The following SAMD12 variants were observed in gnomAD, a reference collection of about 807,000 sequenced individuals.
SAMD12 encodes the protein sterile alpha motif domain containing 12, also known as sterile alpha motif domain-containing protein 12.
A neutral mutation model predicts 15.0 loss-of-function variants in SAMD12; 9 were observed. That is an observed-to-expected ratio of 0.60 (90% CI 0.36 to 1.05). The LOEUF (loss-of-function observed/expected upper bound fraction) is 1.05. SAMD12 is among the 50% of genes least tolerant of loss of function. The probability of loss-of-function intolerance (pLI) is 0.01; values close to 1 mark genes in which losing one functional copy is unlikely to be tolerated. For missense variants in SAMD12, 230 were observed against 234.2 expected, an observed-to-expected ratio of 0.98 and a Z score of 0.12; for synonymous variants, 86 against 90.1, an observed-to-expected ratio of 0.96 and a Z score of 0.25.
intron 2 of SAMD12, among the ~76,000 whole-genome samples, chr8:118,510,196 T>C (rs561438198): frequency 2.6e-5 from 4 of 151,970 alleles, no homozygotes; most frequent in African/African-American, 9.7e-5. Context: ...CTGAGAAGCT[T>C]GGTGATCAAC....
chr8:118,535,527 C>T (rs1331333991), intron 2 of SAMD12, among the ~76,000 whole-genome samples: 4 of 152,234 alleles, frequency 2.6e-5, no homozygotes, highest in African/African-American at 7.2e-5. Context: ...TTTTGTTCAG[C>T]TATGCCCTGC....
chr8:118,168,763 G>C, the SAMD12 span, among the ~76,000 whole-genome samples: 1 of 152,042 alleles, frequency 6.6e-6, no homozygotes, highest in Non-Finnish European at 1.5e-5. Flanking sequence ...CTGACCGGTA[G>C]GATTTTCTTT....
chr8:118,289,752 G>A (rs572243160), intron 4 of SAMD12, among the ~76,000 whole-genome samples: 3 of 152,118 alleles, frequency 2.0e-5, no homozygotes, highest in Non-Finnish European at 2.9e-5. Flanking sequence ...TCTCCCTAAA[G>A]TTCTGAAAGG....
intron 4 of SAMD12, among the ~76,000 whole-genome samples, chr8:118,306,007 G>T (rs183404554): frequency 1.3e-5 from 2 of 152,226 alleles, no homozygotes; most frequent in African/African-American, 2.4e-5. Flanking sequence ...TCCAAGTTCT[G>T]CCAGGCAGCC....
At chr8:118,174,753 AT>A in the SAMD12 span, among the ~76,000 whole-genome samples, 1,644 of 152,320 alleles carry the variant, frequency 0.011, 28 homozygotes, top group African/African-American at 0.037. Flanking sequence ...ACAGAAAAAA[AT>A]AATATGCAAT....
intron 2 of SAMD12, among the ~76,000 whole-genome samples, chr8:118,453,465 C>A (rs1346907033): frequency 2.6e-5 from 4 of 151,154 alleles, no homozygotes; most frequent in Non-Finnish European, 5.9e-5. Context: ...TAAATTCATG[C>A]CACAGTTTAA....
chr8:118,160,419 T>A, the SAMD12 span, among the ~76,000 whole-genome samples: 3 of 152,220 alleles, frequency 2.0e-5, no homozygotes, highest in African/African-American at 7.2e-5. Flanking sequence ...AAACAAAATT[T>A]ATACTATCTG....
At chr8:118,406,890 TTGTGTGTGTGTG>T (rs3052708) in intron 3 of SAMD12, among the ~76,000 whole-genome samples, 31 of 147,456 alleles carry the variant, frequency 2.1e-4, no homozygotes, top group Non-Finnish European at 3.1e-4. Flanking sequence ...CAATATTCCA[TTGTGTGTGTGTG>T]TGTGTGTGTG....
intron 2 of SAMD12, among the ~76,000 whole-genome samples, chr8:118,441,618 T>C (rs1003915791): frequency 1.3e-5 from 2 of 152,202 alleles, no homozygotes; most frequent in African/African-American, 4.8e-5. Flanking sequence ...GTCCATATAT[T>C]CATATATGTA....
At chr8:118,170,464 T>C in the SAMD12 span, among the ~76,000 whole-genome samples, 1 of 152,188 alleles carries the variant, frequency 6.6e-6, no homozygotes, top group Admixed American at 6.5e-5. Context: ...AACAGATCAA[T>C]TTTATTTATT....
intron 4 of SAMD12, among the ~76,000 whole-genome samples, chr8:118,255,816 A>T (rs530506517): frequency 2.0e-5 from 3 of 152,152 alleles, no homozygotes; most frequent in Admixed American, 6.5e-5. Flanking sequence ...AATAAACATA[A>T]GTATGCATGT....
chr8:118,258,416 T>C (rs918558536), intron 4 of SAMD12, among the ~76,000 whole-genome samples: 1 of 152,056 alleles, frequency 6.6e-6, no homozygotes, highest in Non-Finnish European at 1.5e-5. Context: ...AGTTAGACTA[T>C]ATTTCTGTCA....
At chr8:118,327,283 G>A (rs1223576857) in intron 4 of SAMD12, among the ~76,000 whole-genome samples, 1 of 152,160 alleles carries the variant, frequency 6.6e-6, no homozygotes, top group African/African-American at 2.4e-5. Flanking sequence ...TGAAAATCCA[G>A]AATGTGTTCT....
At chr8:118,411,735 T>G (rs991460960) in intron 3 of SAMD12, among the ~76,000 whole-genome samples, 1 of 152,138 alleles carries the variant, frequency 6.6e-6, no homozygotes, top group South Asian at 2.1e-4. Flanking sequence ...CAGCTTGGAC[T>G]AAAAGGGTTA....
chr8:118,377,400 A>G (rs1037521107), downstream of SAMD12, among the ~76,000 whole-genome samples: 8 of 152,182 alleles, frequency 5.3e-5, no homozygotes, highest in African/African-American at 7.2e-5. Context: ...TCTGTCTTGA[A>G]AAAACCAAAA....
At chr8:118,250,865 C>G (rs929450348) in intron 4 of SAMD12, among the ~76,000 whole-genome samples, 1 of 152,010 alleles carries the variant, frequency 6.6e-6, no homozygotes, top group African/African-American at 2.4e-5. Context: ...GTGAAACATG[C>G]TAGGCACTGG....
intron 2 of SAMD12, among the ~76,000 whole-genome samples, chr8:118,521,353 G>A (rs983005115): frequency 1.2e-4 from 19 of 152,066 alleles, no homozygotes; most frequent in African/African-American, 4.6e-4. Flanking sequence ...TGAGCACAGG[G>A]GCTCTCACTC....
chr8:118,242,395 C>T (rs1308530623), intron 4 of SAMD12, among the ~76,000 whole-genome samples: 2 of 152,022 alleles, frequency 1.3e-5, no homozygotes, highest in Admixed American at 6.6e-5. Flanking sequence ...TTATCTGAGG[C>T]CTTGTTTTCC....
intron 1 of SAMD12, among the ~76,000 whole-genome samples, chr8:118,608,211 T>C (rs1284366639): frequency 6.6e-6 from 1 of 151,766 alleles, no homozygotes; most frequent in African/African-American, 2.4e-5. Flanking sequence ...CCCATTTCAT[T>C]AGAATGCCTT....
Sources: gnomAD v4.1 joint callset for allele counts (sites outside exome capture counted in the v4.1 genomes callset) on GRCh38, gnomAD v4.1.1 for gene constraint, MANE v1.5 for transcripts, NCBI Gene and HGNC (gene_info 2026-07-23, HGNC 2026-07-21) for gene names.